Variants in TMEM171 observed in about 807,000 individuals in gnomAD.
TMEM171 encodes the protein proline-rich protein PRP2.
TMEM171 carries 16 observed loss-of-function variants against 19.1 expected under a neutral mutation model. The ratio of observed to expected loss-of-function variants is 0.84; its 90% CI spans 0.57 to 1.27. The LOEUF (loss-of-function observed/expected upper bound fraction) is 1.27. Among genes scored for constraint, TMEM171 ranks in the 50% most tolerant of loss-of-function variants. The pLI, the probability that TMEM171 is intolerant of heterozygous loss-of-function variation, is 0.00. For synonymous variants in TMEM171, 153 were observed against 163.4 expected (o/e 0.94, Z 0.48); for missense variants, 429 against 412.7 (o/e 1.04, Z -0.34).
In TMEM171 at chr5:73,131,702, C is replaced by A. The variant is rs142683782; in HGVS notation, c.947C>A (p.Pro316His). Residue 316 changes from proline to histidine, a missense_variant, in exon 4 of 4, where the codon CCT becomes CAT. Coordinates refer to ENST00000454765, the MANE Select transcript of TMEM171 (RefSeq NM_173490.8). ...GAAAATGCTGCAGCTACATTCTTGC[C>A]TCTATCTTCTGAGCCTTCCCCACCG... ...EKENAAATFL[P>H]LSSEPSPP The A allele has an allele frequency of 1.6e-4, 266 of 1,613,128 alleles. No homozygotes were observed. The African/African-American group carries it at 1.8e-3, about 11-fold the overall frequency.
At position 73,123,530 on chromosome 5, in the gene TMEM171, C is replaced by T. The variant is rs774494012; in HGVS notation, c.157C>T (p.Pro53Ser). The T allele has an allele frequency of 1.2e-6, 2 of 1,614,206 alleles. No individual in the cohort carries two copies. The highest frequency in any genetic ancestry group is 2.2e-5 in the East Asian group (1 of 44,884). The change falls in exon 2 of 4, where the codon CCA becomes TCA. Residue 53 changes from proline to serine, a missense_variant. Coordinates refer to ENST00000454765, the MANE Select transcript of TMEM171 (RefSeq NM_173490.8). The part of the protein sequence containing the change: ...GFQACQYKPL[P>S]DCPMVLKVAG... ...CCAGGCATGCCAATATAAGCCCCTC[C>T]CAGACTGCCCCATGGTGCTCAAGGT... is the stretch of plus-strand genomic sequence containing the variant.
chr5:73,123,555 T>TGGC lies in TMEM171; in HGVS notation c.185_187dup (p.Ala62dup), dbSNP rs1346566739. On this transcript the variant is annotated inframe_insertion, in exon 2 of 4. Transcript: ENST00000454765. ...CCAGACTGCCCCATGGTGCTCAAGG[T>TGGC]GGCGGGGCCTGCATGTGCCGTGGTT... is the stretch of plus-strand genomic sequence containing the variant. The TGGC allele has an allele frequency of 6.2e-7, 1 of 1,614,080 alleles. No homozygotes were observed. The highest frequency in any genetic ancestry group is 8.5e-7 in the Non-Finnish European group (1 of 1,180,050).
intron 3 of TMEM171, 62 bp downstream of exon 3, chr5:73,128,593 T>A (rs770450241): frequency 2.1e-5 from 33 of 1,569,590 alleles, no homozygotes; most frequent in African/African-American, 2.7e-5. Context: ...GTATTAAGGC[T>A]GTGTGGTTCA....
At chr5:73,123,240 CA>C (rs1744051680) in intron 1 of TMEM171, 65 bp from the exon 2 acceptor site, 2 of 1,420,922 alleles carry the variant, frequency 1.4e-6, no homozygotes, top group East Asian at 4.8e-5. Context: ...AAATGATCAG[CA>C]AAAAACCAGG....
intron 1 of TMEM171, 77 bp downstream of exon 1, chr5:73,120,773 G>T: frequency 1.0e-6 from 1 of 981,708 alleles, no homozygotes; most frequent in Non-Finnish European, 1.2e-6. Context: ...GCTGGGCGCG[G>T]GGAGCCGCGG....
At chr5:73,122,282 G>C (rs148867029) in intron 1 of TMEM171, among the ~76,000 whole-genome samples, 4 of 152,192 alleles carry the variant, frequency 2.6e-5, no homozygotes, top group African/African-American at 9.6e-5. Context: ...CCAGCCTTTG[G>C]GTACCTGTCC....
At chr5:73,127,407 A>ATATATATATATATAT (rs1364234564) in intron 2 of TMEM171, among the ~76,000 whole-genome samples, 3 of 137,062 alleles carry the variant, frequency 2.2e-5, no homozygotes, top group African/African-American at 5.7e-5. Flanking sequence ...ATATATATAT[A>ATATATATATATATAT]AAGCATAAAC....
intron 2 of TMEM171, among the ~76,000 whole-genome samples, chr5:73,127,404 T>G (rs1310086881): frequency 7.3e-6 from 1 of 136,548 alleles, no homozygotes; most frequent in Non-Finnish European, 1.6e-5. Flanking sequence ...TATATATATA[T>G]ATAAAGCATA....
chr5:73,123,668 C>T lies in TMEM171; in HGVS notation c.295C>T (p.Arg99Ter), dbSNP rs146940706. The stretch of plus-strand genomic sequence containing the variant: ...GAGAGGTCAGCAGATGGACCCCGAC[C>T]GAGCCTTCATCTGTGGAGAGAGCCG... Reference protein sequence around the residue: ...LQRGQQMDPDRAFICGESRQF... With the variant: ...LQRGQQMDPD The change falls in exon 2 of 4, where the codon CGA (arginine) becomes TGA (stop). Residue 99 changes from arginine to a stop codon, truncating the protein, a stop_gained. Coordinates refer to ENST00000454765, the MANE Select transcript of TMEM171 (RefSeq NM_173490.8). LOFTEE classifies it high-confidence loss of function. 3.5e-5 allele frequency: 57 copies of T among 1,614,106 alleles called. No individual in the cohort carries two copies. Among genetic ancestry groups the T allele is most frequent in the Non-Finnish European group, 4.6e-5 (54 of 1,180,050 alleles).
At chr5:73,130,232 G>A (rs1252622103) in intron 3 of TMEM171, among the ~76,000 whole-genome samples, 1 of 152,080 alleles carries the variant, frequency 6.6e-6, no homozygotes, top group Non-Finnish European at 1.5e-5. Flanking sequence ...AGAACCAGAA[G>A]GGCAAAGAGT....
intron 1 of TMEM171, among the ~76,000 whole-genome samples, chr5:73,121,790 C>T (rs1445625162): frequency 6.6e-6 from 1 of 152,132 alleles, no homozygotes; most frequent in Non-Finnish European, 1.5e-5. Flanking sequence ...TTTGGTTTGT[C>T]AAGATCATCT....
At chr5:73,131,445 T>A (rs912829399) in intron 3 of TMEM171, 93 bp from the exon 4 acceptor site, 2 of 970,086 alleles carry the variant, frequency 2.1e-6, no homozygotes, top group Non-Finnish European at 3.0e-6. Flanking sequence ...TACTCTTAAG[T>A]GCATGTAATC....
intron 2 of TMEM171, 123 bp downstream of exon 2, chr5:73,124,136 G>A (rs1722531117): frequency 1.1e-6 from 1 of 871,668 alleles, no homozygotes; most frequent in Non-Finnish European, 1.7e-6. Flanking sequence ...ACACATGTGT[G>A]TGCACACGCA....
chr5:73,131,629 C>T lies in TMEM171; in HGVS notation c.874C>T (p.His292Tyr), dbSNP rs907121879. 2 of 1,613,956 alleles carry T rather than the reference C, an allele frequency of 1.2e-6. No homozygotes were observed. Among genetic ancestry groups the T allele is most frequent in the Non-Finnish European group, 1.7e-6 (2 of 1,179,994 alleles). ...GACGAATTCATCTTCTGAGGCCTCACACACTCCACATCTTCCATCTGAATT... is the reference window on the plus strand; with the variant it reads ...GACGAATTCATCTTCTGAGGCCTCATACACTCCACATCTTCCATCTGAATT... ...SGTNSSSEAS[H>Y]TPHLPSELPP... The change falls in exon 4 of 4, where the codon CAC becomes TAC. Residue 292 changes from histidine to tyrosine, a missense_variant. By Grantham distance (83) the His-to-Tyr change is moderately conservative (BLOSUM62 2). Coordinates refer to ENST00000454765, the MANE Select transcript of TMEM171 (RefSeq NM_173490.8).
chr5:73,123,839 C>G lies in TMEM171; in HGVS notation c.466C>G (p.Arg156Gly), dbSNP rs374701617. 3.1e-6 allele frequency: 5 copies of G among 1,613,350 alleles called. No homozygotes were observed. The highest frequency in any genetic ancestry group is 4.2e-6 in the Non-Finnish European group (5 of 1,179,658). ...GACAGACACTGGCGACTCAGAGCCC[C>G]GGATGTGTGGGTTCCTTTCTCTGCA... ...NETDTGDSEP[R>G]MCGFLSLQIM... The change falls in exon 2 of 4, where the codon CGG becomes GGG. Residue 156 changes from arginine to glycine, a missense_variant. Arg to Gly is a moderately radical substitution (Grantham distance 125). Coordinates refer to ENST00000454765, the MANE Select transcript of TMEM171 (RefSeq NM_173490.8).
At chr5:73,127,384 A>AAAAAATATATATATATATATATATATAT in intron 2 of TMEM171, among the ~76,000 whole-genome samples, 27 of 81,662 alleles carry the variant, frequency 3.3e-4, no homozygotes, top group African/African-American at 1.4e-3. Flanking sequence ...AAAAAAAAAA[A>AAAAAATATATATATATATATATATATAT]ATATATATAT....
In TMEM171 at chr5:73,128,500, C is replaced by T. The variant is rs748787467; in HGVS notation, c.751C>T (p.Pro251Ser). The T allele has an allele frequency of 9.3e-6, 15 of 1,613,958 alleles. No homozygotes were observed. Among genetic ancestry groups the T allele is most frequent in the Admixed American group, 1.7e-5 (1 of 60,002 alleles). ...TAACAGTCTGCTTCCGAATGAAAAC[C>T]CCCCTTCATATTACAGTATTTTCAA... ...GTNSLLPNENPPSYYSIFNYG... is the reference protein window; with the variant it reads ...GTNSLLPNENSPSYYSIFNYG... The change falls in exon 3 of 4, where the codon CCC (proline) becomes TCC (serine). Residue 251 changes from proline (P) to serine (S), a missense_variant. Pro to Ser is a moderately conservative substitution (Grantham distance 74). Coordinates refer to ENST00000454765, the MANE Select transcript of TMEM171 (RefSeq NM_173490.8).
rs763731008 is a variant in TMEM171, at chr5:73,131,526, CCTT to C, written c.783-9_783-7del. The C allele has an allele frequency of 1.8e-5, 29 of 1,582,174 alleles. No individual in the cohort carries two copies. The highest frequency in any genetic ancestry group is 6.8e-5 in the African/African-American group (5 of 73,652). On this transcript the variant is annotated splice_polypyrimidine_tract_variant and intron_variant, in intron 3 of 3. Coordinates refer to ENST00000454765, the MANE Select transcript of TMEM171 (RefSeq NM_173490.8). The stretch of plus-strand genomic sequence containing the variant: ...ATCCCCTCCCCTTCATGTTCTCTCT[CCTT>C]CTCTTTAGCAGGACCCCAACTTCAG...
Position 73,123,584 on chromosome 5 carries a change from C to G in TMEM171, c.211C>G (p.Leu71Val), listed in dbSNP as rs1357291854. 1 of 1,614,222 alleles carries G rather than the reference C, an allele frequency of 6.2e-7. No individual in the cohort carries two copies. The highest frequency in any genetic ancestry group is 2.2e-5 in the East Asian group (1 of 44,888). The change falls in exon 2 of 4, where the codon CTT becomes GTT. Residue 71 changes from leucine to valine, a missense_variant. Physicochemically the swap from Leu to Val is conservative, Grantham distance 32. Coordinates refer to ENST00000454765, the MANE Select transcript of TMEM171 (RefSeq NM_173490.8). ...GGGGCCTGCATGTGCCGTGGTTGGG[C>G]TTGGGGCTGTGATCCTGGCCCGCTC... is the stretch of plus-strand genomic sequence containing the variant. ...VAGPACAVVGLGAVILARSRA... is the reference protein window; with the variant it reads ...VAGPACAVVGVGAVILARSRA...
Sources: gnomAD v4.1 joint callset for allele counts (sites outside exome capture counted in the v4.1 genomes callset) on GRCh38, gnomAD v4.1.1 for gene constraint, MANE v1.5 for transcripts, NCBI Gene and HGNC (gene_info 2026-07-23, HGNC 2026-07-21) for gene names.